Variants in EIF4EBP2 observed in about 807,000 individuals in gnomAD.
EIF4EBP2 encodes the protein eukaryotic translation initiation factor 4E binding protein 2.
EIF4EBP2 carries 5 observed loss-of-function variants against 10.3 expected under a neutral mutation model. That is an observed-to-expected ratio of 0.48 (90% CI 0.25 to 1.02). EIF4EBP2 has a LOEUF of 1.02. Among genes scored for constraint, EIF4EBP2 ranks in the 50% least tolerant of loss-of-function variants. The pLI, the probability that EIF4EBP2 is intolerant of heterozygous loss-of-function variation, is 0.15. For missense variants in EIF4EBP2, 188 were observed against 162.2 expected (o/e 1.16, Z -0.86); for synonymous variants, 67 against 61.1 (o/e 1.10, Z -0.45).
chr10:70,410,226 C>T (rs557131795), intron 1 of EIF4EBP2, among the ~76,000 whole-genome samples: 7 of 152,228 alleles, frequency 4.6e-5, no homozygotes, highest in African/African-American at 1.2e-4. Context: ...CCCACCACCA[C>T]GCGTGGCTGA....
chr10:70,421,536 C>A (rs1364296591), intron 2 of EIF4EBP2, among the ~76,000 whole-genome samples, 180 bp from the exon 3 acceptor site: 2 of 152,194 alleles, frequency 1.3e-5, no homozygotes, highest in African/African-American at 4.8e-5. Context: ...GGTGATGGGA[C>A]TGCCATTCTT....
At chr10:70,419,540 C>G (rs1046206279) in intron 1 of EIF4EBP2, among the ~76,000 whole-genome samples, 1 of 151,400 alleles carries the variant, frequency 6.6e-6, no homozygotes, top group Admixed American at 6.6e-5. Context: ...AAGACATAGC[C>G]CTGACATAAG....
At chr10:70,413,745 T>C (rs908657581) in intron 1 of EIF4EBP2, among the ~76,000 whole-genome samples, 3 of 151,988 alleles carry the variant, frequency 2.0e-5, no homozygotes, top group Admixed American at 6.6e-5. Flanking sequence ...AATATTGTGA[T>C]TTTTTTTCAT....
intron 1 of EIF4EBP2, among the ~76,000 whole-genome samples, chr10:70,406,218 C>T (rs1312182377): frequency 2.0e-5 from 3 of 152,198 alleles, no homozygotes; most frequent in Non-Finnish European, 4.4e-5. Context: ...AAGTTATTCG[C>T]CCCGTCAGCC....
intron 1 of EIF4EBP2, among the ~76,000 whole-genome samples, chr10:70,407,581 C>A (rs900093873): frequency 6.6e-6 from 1 of 152,100 alleles, no homozygotes; most frequent in Non-Finnish European, 1.5e-5. Context: ...CCTTTCTATT[C>A]CACAAAACCG....
At chr10:70,420,273 C>T (rs920542805) in intron 2 of EIF4EBP2, among the ~76,000 whole-genome samples, 174 bp downstream of exon 2, 26 of 152,236 alleles carry the variant, frequency 1.7e-4, no homozygotes, top group African/African-American at 6.0e-4. Context: ...AATCTCAGCA[C>T]ACTGCAACCT....
At position 70,404,278 on chromosome 10, in the gene EIF4EBP2, C is replaced by G. The variant is rs529218056; in HGVS notation, c.-124C>G. On this transcript the variant is annotated 5_prime_UTR_variant, in exon 1 of 3. Transcript: ENST00000373218. ...GCGGGAGCGGAGCGGGACGAGGGAACGGGAGGAAGCGAGCGAGGAGCGCGC... is the reference window on the plus strand; with the variant it reads ...GCGGGAGCGGAGCGGGACGAGGGAAGGGGAGGAAGCGAGCGAGGAGCGCGC... 57 of 1,259,960 alleles carry G rather than the reference C, an allele frequency of 4.5e-5. No homozygotes were observed. In the South Asian group the frequency reaches 7.0e-4, roughly 16 times the overall value. 78.0% of individuals were successfully genotyped at this position (1,259,960 alleles called of 1,614,324 possible). A position where few individuals can be genotyped will look rare whatever the true frequency, so the allele number is the denominator to read the frequency against.
intron 1 of EIF4EBP2, among the ~76,000 whole-genome samples, chr10:70,408,809 A>G (rs1845011061): frequency 6.6e-6 from 1 of 152,212 alleles, no homozygotes; most frequent in African/African-American, 2.4e-5. Context: ...GACAGATAAG[A>G]TTTTTAGTTC....
chr10:70,418,485 G>T (rs1845120936), intron 1 of EIF4EBP2, among the ~76,000 whole-genome samples: 1 of 152,216 alleles, frequency 6.6e-6, no homozygotes, highest in Non-Finnish European at 1.5e-5. Flanking sequence ...GTATAGTGAT[G>T]TTCAGCTGTA....
In EIF4EBP2 at chr10:70,425,063, T is replaced by TG. The variant is rs754822622; in HGVS notation, c.*3316_*3317insG. On this transcript the variant is annotated 3_prime_UTR_variant, in exon 3 of 3. Transcript: ENST00000373218. ...TGGTATCATGAAGTTACAGTCAAGA[T>TG]TGAACAGGGGCTGCAGTCAGCTGGA... 7 of 152,370 alleles carry TG rather than the reference T, an allele frequency of 4.6e-5. No individual in the cohort carries two copies. In the South Asian group the frequency reaches 6.2e-4, roughly 14 times the overall value. The allele number at this position is 152,370 out of a possible 1,614,324, so 9.4% of individuals were successfully genotyped here.
At chr10:70,409,895 C>T (rs966337726) in intron 1 of EIF4EBP2, among the ~76,000 whole-genome samples, 1 of 152,174 alleles carries the variant, frequency 6.6e-6, no homozygotes, top group Non-Finnish European at 1.5e-5. Flanking sequence ...TGGGTTGTAG[C>T]TCTTCTGCCT....
In EIF4EBP2 at chr10:70,404,323, G is replaced by A; in HGVS notation, c.-79G>A. On this transcript the variant is annotated 5_prime_UTR_variant, in exon 1 of 3. Coordinates refer to ENST00000373218, the MANE Select transcript of EIF4EBP2 (RefSeq NM_004096.5). ...GCGCGCAGAGCGCGCTTTTCCGTCC[G>A]CCTGAGGAGCCGAAGCAGCCCCGGC... The A allele has an allele frequency of 3.5e-6, 5 of 1,445,110 alleles. No individual in the cohort carries two copies. The East Asian group carries it at 8.9e-5, about 26-fold the overall frequency. 89.5% of individuals were successfully genotyped at this position (1,445,110 alleles called of 1,614,324 possible). A position where few individuals can be genotyped will look rare whatever the true frequency, so the allele number is the denominator to read the frequency against.
At chr10:70,408,582 C>A (rs755068086) in intron 1 of EIF4EBP2, among the ~76,000 whole-genome samples, 1 of 152,208 alleles carries the variant, frequency 6.6e-6, no homozygotes, top group African/African-American at 2.4e-5. Flanking sequence ...ATGCTACATT[C>A]ATCTTCCTCT....
At chr10:70,411,822 C>T (rs1415492729) in intron 1 of EIF4EBP2, among the ~76,000 whole-genome samples, 2 of 152,156 alleles carry the variant, frequency 1.3e-5, no homozygotes, top group African/African-American at 4.8e-5. Context: ...GTTATATACA[C>T]CCTTCTCCCA....
At chr10:70,407,368 C>T (rs1348890025) in intron 1 of EIF4EBP2, among the ~76,000 whole-genome samples, 1 of 152,012 alleles carries the variant, frequency 6.6e-6, no homozygotes, top group East Asian at 1.9e-4. Flanking sequence ...CATCTTGCAC[C>T]ACCCTTAATC....
At chr10:70,420,152 G>T (rs1233574657) in intron 2 of EIF4EBP2, 53 bp downstream of exon 2, 3 of 1,496,296 alleles carry the variant, frequency 2.0e-6, no homozygotes, top group Non-Finnish European at 2.7e-6. Context: ...GAATTTGAAT[G>T]TCTGTTTGCT....
chr10:70,410,071 T>TTTTC (rs1381489749), intron 1 of EIF4EBP2, among the ~76,000 whole-genome samples: 3 of 152,042 alleles, frequency 2.0e-5, no homozygotes, highest in South Asian at 2.1e-4. Flanking sequence ...CTGCTTTTTT[T>TTTTC]TTTCTTTCTT....
chr10:70,421,525 G>A (rs1845157342), intron 2 of EIF4EBP2, among the ~76,000 whole-genome samples, 191 bp from the exon 3 acceptor site: 1 of 152,204 alleles, frequency 6.6e-6, no homozygotes, highest in Non-Finnish European at 1.5e-5. Context: ...TTCTCCCCAT[G>A]GGTGATGGGA....
At chr10:70,404,831 T>G (rs778826370) in intron 1 of EIF4EBP2, among the ~76,000 whole-genome samples, 1 of 152,222 alleles carries the variant, frequency 6.6e-6, no homozygotes, top group Non-Finnish European at 1.5e-5. Context: ...CAGTTCTCTC[T>G]CTCCTCTCTG....
Sources: gnomAD v4.1 joint callset for allele counts (sites outside exome capture counted in the v4.1 genomes callset) on GRCh38, gnomAD v4.1.1 for gene constraint, MANE v1.5 for transcripts, NCBI Gene and HGNC (gene_info 2026-07-23, HGNC 2026-07-21) for gene names.